SYNE1: variants seen among roughly 807,000 people sequenced by gnomAD.
The protein encoded by SYNE1 is spectrin repeat containing nuclear envelope protein 1.
In SYNE1, 616 loss-of-function variants were observed where a neutral mutation model predicts 1,111.0. The ratio of observed to expected loss-of-function variants is 0.55; its 90% CI spans 0.52 to 0.59. SYNE1 has a LOEUF of 0.59. SYNE1 is among the 20% of genes least tolerant of loss of function. The pLI, the probability that SYNE1 is intolerant of heterozygous loss-of-function variation, is 0.00. For missense variants in SYNE1, 10,006 were observed against 10,417.0 expected, an observed-to-expected ratio of 0.96 and a Z score of 1.72; for synonymous variants, 3,855 against 3,825.8, an observed-to-expected ratio of 1.01 and a Z score of -0.28.
intron 64 of SYNE1, among the ~76,000 whole-genome samples, chr6:152,360,472 C>G (rs1328823958): frequency 1.3e-5 from 2 of 152,192 alleles, no homozygotes; most frequent in Non-Finnish European, 2.9e-5. Context: ...GAGGCCTTTC[C>G]TGTCCCTCTC....
intron 2 of SYNE1, 124 bp from the exon 3 acceptor site, chr6:152,628,678 A>G (rs1053316293): frequency 7.8e-6 from 2 of 256,506 alleles, no homozygotes; most frequent in Non-Finnish European, 1.5e-5. Context: ...GAAACAACTT[A>G]GTGAAAAGCA....
chr6:152,390,388 T>G lies in SYNE1; in HGVS notation c.8069A>C (p.Gln2690Pro), dbSNP rs1591716331. The G allele has an allele frequency of 6.2e-7, 1 of 1,614,180 alleles. No individual in the cohort carries two copies. Among genetic ancestry groups the G allele is most frequent in the Non-Finnish European group, 8.5e-7 (1 of 1,180,022 alleles). ...KLNMAIGKGE[Q>P]ALRSSNKEGQ... ...TTCTTTGTTGCTACTTCTCAAGGCC[T>G]GTTCCCCCTTGCCAATGGCCATATT... is the stretch of plus-strand genomic sequence containing the variant. The change falls in exon 53 of 146, where the codon CAG (glutamine) becomes CCG (proline). Residue 2690 changes from glutamine to proline, a missense_variant. Gln to Pro is a moderately conservative substitution (Grantham distance 76). Coordinates refer to ENST00000367255, the MANE Select transcript of SYNE1 (RefSeq NM_182961.4).
intron 45 of SYNE1, among the ~76,000 whole-genome samples, chr6:152,405,348 G>C (rs2097881737): frequency 6.6e-6 from 1 of 152,162 alleles, no homozygotes; most frequent in Non-Finnish European, 1.5e-5. Flanking sequence ...CTCCTACAAA[G>C]AGCCCTGATT....
intron 4 of SYNE1, among the ~76,000 whole-genome samples, chr6:152,531,959 G>A (rs181164322): frequency 1.1e-4 from 17 of 152,244 alleles, no homozygotes; most frequent in Admixed American, 2.0e-4. Flanking sequence ...TACTATGAGC[G>A]TGAGTGTATT....
chr6:152,192,739 T>G (rs7766507), intron 127 of SYNE1, among the ~76,000 whole-genome samples: 50,437 of 151,696 alleles, frequency 0.33, 8,361 homozygotes, highest in South Asian at 0.41. Context: ...GGTCCAGTGT[T>G]GGGTGTATAT....
chr6:152,403,990 G>A (rs531054080), intron 46 of SYNE1, among the ~76,000 whole-genome samples: 2 of 151,278 alleles, frequency 1.3e-5, no homozygotes, highest in East Asian at 1.9e-4. Context: ...TGATAACATC[G>A]AGGACATATA....
intron 105 of SYNE1, among the ~76,000 whole-genome samples, chr6:152,244,962 T>TA (rs1346172352): frequency 1.3e-5 from 2 of 151,974 alleles, no homozygotes; most frequent in Non-Finnish European, 2.9e-5. Flanking sequence ...AAGCAATAGT[T>TA]AAAAAAAAGA....
chr6:152,542,772 A>T (rs1172577495), intron 3 of SYNE1, among the ~76,000 whole-genome samples: 2 of 152,122 alleles, frequency 1.3e-5, no homozygotes, highest in Non-Finnish European at 1.5e-5. Context: ...TTGACCTGAG[A>T]ATCTTTAGGT....
intron 116 of SYNE1, 30 bp downstream of exon 116, chr6:152,225,691 C>G (rs1353330048): frequency 6.2e-7 from 1 of 1,613,872 alleles, no homozygotes; most frequent in African/African-American, 1.3e-5. Context: ...AAACACGGTC[C>G]TGGAGCTGGC....
In SYNE1 at chr6:152,435,989, T is replaced by C. The variant is rs1207419366; in HGVS notation, c.4262A>G (p.Lys1421Arg). 1 of 1,614,158 alleles carries C rather than the reference T, an allele frequency of 6.2e-7. No homozygotes were observed. The highest frequency in any genetic ancestry group is 2.2e-5 in the East Asian group (1 of 44,876). ...TTTTTTGACTTGTTCTTTGATTGAC[T>C]TGGCCTGCTGTTGAAGCAGCTGCTT... is the stretch of plus-strand genomic sequence containing the variant. The part of the protein sequence containing the change: ...QNKQLLQQQA[K>R]SIKEQVKKLE... Residue 1421 changes from lysine to arginine, a missense_variant, in exon 33 of 146, where the codon AAG becomes AGG. Around this residue, in one of 7 missense-constraint regions of SYNE1, gnomAD observed 1,971 missense variants for 2,084.1 expected, o/e 0.95. Transcript: ENST00000367255.
intron 145 of SYNE1, chr6:152,125,198 G>T (rs762417617): frequency 9.2e-6 from 14 of 1,518,710 alleles, no homozygotes; most frequent in East Asian, 7.4e-5. Context: ...ACTCTCTGCT[G>T]TGAAATGTTT....
intron 59 of SYNE1, 128 bp downstream of exon 59, chr6:152,372,909 T>C (rs537989449): frequency 1.8e-5 from 18 of 991,050 alleles, no homozygotes; most frequent in Non-Finnish European, 2.6e-5. Context: ...CATTGTCTTC[T>C]TATGTTCTGA....
chr6:152,302,023 G>T lies in SYNE1; in HGVS notation c.17387C>A (p.Ala5796Asp), dbSNP rs2095197009. The change falls in exon 92 of 146, where the codon GCT becomes GAT. Residue 5796 changes from alanine (A) to aspartate (D), a missense_variant. Physicochemically the swap from Ala to Asp is moderately radical, Grantham distance 126 (BLOSUM62 -2). Coordinates refer to ENST00000367255, the MANE Select transcript of SYNE1 (RefSeq NM_182961.4). The stretch of plus-strand genomic sequence containing the variant: ...CATCTTGCACTTGGAATTCAAAGAA[G>T]CGATCTGCTCCTGGTAGCCCTTAAT... ...QKIKGYQEQI[A>D]SLNSKCKMLT... 6.2e-7 allele frequency: 1 copy of T among 1,614,266 alleles called. No individual in the cohort carries two copies. The highest frequency in any genetic ancestry group is 8.5e-7 in the Non-Finnish European group (1 of 1,180,046).
At chr6:152,473,656 G>C (rs1181040895) in intron 14 of SYNE1, among the ~76,000 whole-genome samples, 1 of 152,106 alleles carries the variant, frequency 6.6e-6, no homozygotes, top group African/African-American at 2.4e-5. Flanking sequence ...AGAACAAACA[G>C]GTGTTCTTAG....
chr6:152,223,949 A>G (rs2080854790), intron 117 of SYNE1, among the ~76,000 whole-genome samples: 1 of 152,194 alleles, frequency 6.6e-6, no homozygotes, highest in Non-Finnish European at 1.5e-5. Flanking sequence ...GAAGACAAAC[A>G]TCAGGGATAT....
At position 152,479,535 on chromosome 6, in the gene SYNE1, G is replaced by A. The variant is rs575429697; in HGVS notation, c.1350+3550C>T. ...GAAGACAACCTGGCTCATCAGCTAT[G>A]TGACCTTGGGCAAGTCACTTAACCT... On this transcript the variant is annotated intron_variant, in intron 14 of 145. Coordinates refer to ENST00000367255, the MANE Select transcript of SYNE1 (RefSeq NM_182961.4). Among the ~76,000 whole-genome samples, 4 of 152,278 alleles carry A rather than the reference G, an allele frequency of 2.6e-5. No individual in the cohort carries two copies. In the East Asian group the frequency reaches 5.8e-4, roughly 22 times the overall value.
chr6:152,330,284 G>C lies in SYNE1; in HGVS notation c.14401C>G (p.Gln4801Glu), dbSNP rs759434794. 1.2e-6 allele frequency: 2 copies of C among 1,614,120 alleles called. No homozygotes were observed. The highest frequency in any genetic ancestry group is 2.2e-5 in the South Asian group (2 of 91,066). The change falls in exon 78 of 146, where the codon CAG becomes GAG. Residue 4801 changes from glutamine (Q) to glutamate (E), a missense_variant. This residue lies in a region of SYNE1 where 4,955 missense variants were observed against 5,017.2 expected (regional missense o/e 0.99). Transcript: ENST00000367255. ...AGCGTTTCCTCATTCACTTTGGACT[G>C]CTCCTCTTTTACAGACTTCAGTTGT... ...ERQLKSVKEE[Q>E]SKVNEETLPA...
chr6:152,619,562 C>A (rs1478493745), intron 3 of SYNE1, among the ~76,000 whole-genome samples: 1 of 152,086 alleles, frequency 6.6e-6, no homozygotes, highest in Non-Finnish European at 1.5e-5. Flanking sequence ...ATGATGAAAG[C>A]AAGGAAAATA....
intron 3 of SYNE1, among the ~76,000 whole-genome samples, chr6:152,602,591 T>C (rs1408660425): frequency 6.6e-6 from 1 of 152,220 alleles, no homozygotes; most frequent in Non-Finnish European, 1.5e-5. Context: ...ATTAGTACTT[T>C]CCACAGGCCC....
Sources: allele counts gnomAD v4.1 joint callset (sites outside exome capture counted in the v4.1 genomes callset), GRCh38; gene constraint gnomAD v4.1.1; regional missense constraint gnomAD v4.1.1; transcripts MANE v1.5; gene names NCBI Gene and HGNC (gene_info 2026-07-23, HGNC 2026-07-21).